DNAH6: variants seen among roughly 807,000 people sequenced by gnomAD.
The protein encoded by DNAH6 is dynein axonemal heavy chain 6, also known as axonemal beta dynein heavy chain 6.
DNAH6 carries 340 observed loss-of-function variants against 491.4 expected under a neutral mutation model. The ratio of observed to expected loss-of-function variants is 0.69; its 90% CI spans 0.63 to 0.76. The LOEUF is 0.76. DNAH6 is among the 30% of genes least tolerant of loss of function. The pLI is 0.00. For synonymous variants in DNAH6, 1,603 were observed against 1,686.1 expected (o/e 0.95, Z 1.21); for missense variants, 4,443 against 4,972.2 (o/e 0.89, Z 3.20).
intron 14 of DNAH6, among the ~76,000 whole-genome samples, chr2:84,580,758 AAAT>A (rs398060354): frequency 9.1e-5 from 1 of 10,952 alleles, no homozygotes; most frequent in African/African-American, 1.0e-4. Context: ...CACTTCAAAC[AAAT>A]AACCCAAACC....
At chr2:84,502,252 ATCT>A in the DNAH6 span, among the ~76,000 whole-genome samples, 14 of 152,074 alleles carry the variant, frequency 9.2e-5, no homozygotes, top group African/African-American at 1.9e-4. Flanking sequence ...AAATTTTTCA[ATCT>A]TCTTCTTAAT....
chr2:84,737,534 T>G (rs1462349090), intron 62 of DNAH6, among the ~76,000 whole-genome samples: 1 of 151,960 alleles, frequency 6.6e-6, no homozygotes, highest in Non-Finnish European at 1.5e-5. Context: ...AGGATTTTTG[T>G]TTTTTTCGGG....
chr2:84,631,666 G>A (rs1688411501), intron 29 of DNAH6, among the ~76,000 whole-genome samples: 1 of 152,030 alleles, frequency 6.6e-6, no homozygotes. Context: ...AGAAGCCAAG[G>A]AATCCCAAGG....
chr2:84,480,379 A>T, the DNAH6 span, among the ~76,000 whole-genome samples: 4 of 152,224 alleles, frequency 2.6e-5, no homozygotes, highest in African/African-American at 9.6e-5. Context: ...CAGAAAAGAA[A>T]ACCCCAAAGA....
chr2:84,606,895 C>T, intron 20 of DNAH6, 81 bp from the exon 21 acceptor site: 1 of 1,413,158 alleles, frequency 7.1e-7, no homozygotes, highest in East Asian at 2.5e-5. Context: ...TTTAAGTAGA[C>T]ACTTGGGATT....
intron 18 of DNAH6, among the ~76,000 whole-genome samples, chr2:84,602,480 C>T (rs1685338616): frequency 1.0e-5 from 1 of 96,412 alleles, no homozygotes; most frequent in Non-Finnish European, 2.0e-5. Flanking sequence ...GATGTTGTGT[C>T]CCTTTTTTTT....
At chr2:84,509,005 G>C in the DNAH6 span, among the ~76,000 whole-genome samples, 1 of 152,148 alleles carries the variant, frequency 6.6e-6, no homozygotes, top group Non-Finnish European at 1.5e-5. Context: ...GTCAATTTTG[G>C]AATAAGTGCA....
intron 63 of DNAH6, among the ~76,000 whole-genome samples, chr2:84,758,412 A>G (rs1307331197): frequency 6.6e-6 from 1 of 152,190 alleles, no homozygotes; most frequent in East Asian, 1.9e-4. Flanking sequence ...AATTCTCTCT[A>G]ATACATTCTA....
At chr2:84,561,649 A>G (rs1177902612) in intron 11 of DNAH6, among the ~76,000 whole-genome samples, 2 of 152,228 alleles carry the variant, frequency 1.3e-5, no homozygotes, top group African/African-American at 2.4e-5. Context: ...TCATCTGACA[A>G]AGGGCTAATA....
In DNAH6 at chr2:84,715,262, G is replaced by A. The variant is rs1012326414; in HGVS notation, c.9544-298G>A. 8.5e-5 allele frequency among the ~76,000 whole-genome samples: 13 copies of A among 152,222 alleles called. No homozygotes were observed. The East Asian group carries it at 2.3e-3, about 27-fold the overall frequency. On this transcript the variant is annotated intron_variant, in intron 57 of 76. Coordinates refer to ENST00000389394, the MANE Select transcript of DNAH6 (RefSeq NM_001370.2). ...GGGTGCAGCTCAAATCTGAACCCAA[G>A]CTATCAATTCCAAAATACTGCTTTT...
chr2:84,688,680 A>G, intron 45 of DNAH6, 87 bp downstream of exon 45: 1 of 1,088,364 alleles, frequency 9.2e-7, no homozygotes, highest in South Asian at 1.7e-5. Flanking sequence ...AAACTCTTCA[A>G]ACAGATTGCT....
In DNAH6 at chr2:84,749,688, G is replaced by T. The variant is rs149582485; in HGVS notation, c.10512+4439G>T. On this transcript the variant is annotated intron_variant, in intron 63 of 76. Coordinates refer to ENST00000389394, the MANE Select transcript of DNAH6 (RefSeq NM_001370.2). ...CAGACATGTAATAGAAAAGAAGGCTGGCTGTGATCCAGGTGGAAAGTCTCC... is the reference window on the plus strand; with the variant it reads ...CAGACATGTAATAGAAAAGAAGGCTTGCTGTGATCCAGGTGGAAAGTCTCC... Among the ~76,000 whole-genome samples the T allele has an allele frequency of 7.2e-3, 1,093 of 152,298 alleles. 12 individuals are homozygous for T. The highest frequency in any genetic ancestry group is 0.024 in the African/African-American group (1,009 of 41,558).
chr2:84,816,059 C>G lies in DNAH6; in HGVS notation c.12349C>G (p.Arg4117Gly). Residue 4117 changes from arginine to glycine, a missense_variant, in exon 76 of 77, where the codon CGG becomes GGG. Around this residue, in one of 3 missense-constraint regions of DNAH6, gnomAD observed 1,463 missense variants for 1,656.6 expected, o/e 0.88. Transcript: ENST00000389394. Reference protein sequence around the residue: ...YHCPLYKTGARAGTLSTTGHS... With the variant: ...YHCPLYKTGAGAGTLSTTGHS... ...CTGCCCACTTTATAAAACAGGAGCC[C>G]GGGCAGGAACACTCTCAACCACAGG... 1 of 1,551,306 alleles carries G rather than the reference C, an allele frequency of 6.4e-7. No homozygotes were observed. The highest frequency in any genetic ancestry group is 8.7e-7 in the Non-Finnish European group (1 of 1,146,834).
chr2:84,773,411 T>C (rs1443266468), intron 64 of DNAH6, among the ~76,000 whole-genome samples: 1 of 152,088 alleles, frequency 6.6e-6, no homozygotes, highest in East Asian at 1.9e-4. Context: ...CTTTATGTGG[T>C]TGCATCATAT....
the DNAH6 span, among the ~76,000 whole-genome samples, chr2:84,480,962 C>CA: frequency 4.6e-3 from 621 of 135,700 alleles, 4 homozygotes; most frequent in African/African-American, 0.015. Context: ...GACTCTGTCT[C>CA]AAAAAAAAAA....
At chr2:84,600,406 G>A (rs2104241917) in intron 18 of DNAH6, among the ~76,000 whole-genome samples, 1 of 151,946 alleles carries the variant, frequency 6.6e-6, no homozygotes, top group East Asian at 1.9e-4. Context: ...CTTTATCTGA[G>A]TTTTTTTAGT....
rs146622749 is a variant in DNAH6, at chr2:84,676,921, G to A, written c.6613-84G>A. 2,005 of 1,461,680 alleles carry A rather than the reference G, an allele frequency of 1.4e-3. 21 individuals are homozygous for A. In the African/African-American group the frequency reaches 0.025, roughly 18 times the overall value. 90.5% of individuals were successfully genotyped at this position (1,461,680 alleles called of 1,614,324 possible). A position where few individuals can be genotyped will look rare whatever the true frequency, so the allele number is the denominator to read the frequency against. ...CAAAAAAAAATGTAATGCAATGCTG[G>A]CATTTGGGAAGTCCTACCATTAGGA... On this transcript the variant is annotated intron_variant, in intron 40 of 76. Transcript: ENST00000389394.
chr2:84,714,933 C>G (rs1697377782), intron 57 of DNAH6, among the ~76,000 whole-genome samples: 2 of 151,432 alleles, frequency 1.3e-5, no homozygotes, highest in African/African-American at 4.8e-5. Context: ...TGTTCATTCA[C>G]ACACTCTTGT....
chr2:84,796,331 C>A lies in DNAH6; in HGVS notation c.11265C>A (p.Val3755=). The part of the protein sequence containing the change: ...ITGEITYGGR[V]TDSWDQRCLR... ...GTGAAATTACTTATGGTGGTAGAGT[C>A]ACAGACAGCTGGGACCAAAGATGCC... The change falls in exon 69 of 77, where the codon GTC becomes GTA. Residue 3755 remains valine (V), a synonymous_variant. Transcript: ENST00000389394. 1 of 1,524,446 alleles carries A rather than the reference C, an allele frequency of 6.6e-7. No homozygotes were observed. The highest frequency in any genetic ancestry group is 8.8e-7 in the Non-Finnish European group (1 of 1,132,238). The allele number at this position is 1,524,446 out of a possible 1,614,324, so 94.4% of individuals were successfully genotyped here.
Sources: gnomAD v4.1 joint callset for allele counts (sites outside exome capture counted in the v4.1 genomes callset) on GRCh38, gnomAD v4.1.1 for gene constraint, gnomAD v4.1.1 regional missense constraint, MANE v1.5 for transcripts, NCBI Gene and HGNC (gene_info 2026-07-23, HGNC 2026-07-21) for gene names.